MMADHC: variants seen among roughly 807,000 people sequenced by gnomAD.
MMADHC encodes cobalamin trafficking protein CblD.
In MMADHC, 23 loss-of-function variants were observed where a neutral mutation model predicts 36.3. That is an observed-to-expected ratio of 0.63 (90% confidence interval 0.46 to 0.90). The LOEUF is 0.90. Ranked by LOEUF, MMADHC falls within the 40% of genes least tolerant of loss-of-function variation. MMADHC has a pLI of 0.00. For missense variants in MMADHC, 330 were observed against 348.0 expected (o/e 0.95, Z 0.41); for synonymous variants, 97 against 116.1 (o/e 0.84, Z 1.06).
Position 149,587,124 on chromosome 2 carries a change from A to T in MMADHC, c.-27T>A. ...TCCGCTGGAGAAGATAGTTCGCAAA[A>T]TAGCTTTCCTTTGGTAAAGTTATTT... On this transcript the variant is annotated 5_prime_UTR_variant, in exon 2 of 8. Transcript: ENST00000303319. The T allele has an allele frequency of 6.2e-7, 1 of 1,612,374 alleles. No individual in the cohort carries two copies. Among genetic ancestry groups the T allele is most frequent in the Non-Finnish European group, 8.5e-7 (1 of 1,178,356 alleles).
intron 6 of MMADHC, among the ~76,000 whole-genome samples, chr2:149,575,359 T>C (rs985777144): frequency 8.2e-5 from 12 of 146,554 alleles, no homozygotes; most frequent in African/African-American, 3.1e-4. Context: ...AGAAAGGGGA[T>C]AGATTTGGAG....
chr2:149,586,610 T>TA (rs149678498), intron 2 of MMADHC, among the ~76,000 whole-genome samples: 30 of 152,332 alleles, frequency 2.0e-4, no homozygotes, highest in African/African-American at 7.0e-4. Context: ...ATGAATTCTA[T>TA]AGATAGGATG....
Position 149,569,855 on chromosome 2 carries a change from A to G in MMADHC, c.*119T>C. ...AATCACTTGCCAATGTTGTAAATTC[A>G]TAAATGCTGAAATAAATACTTAGAA... On this transcript the variant is annotated 3_prime_UTR_variant, in exon 8 of 8. Transcript: ENST00000303319. 1 of 948,002 alleles carries G rather than the reference A, an allele frequency of 1.1e-6. No individual in the cohort carries two copies. The allele number at this position is 948,002 out of a possible 1,614,324, so 58.7% of individuals were successfully genotyped here.
intron 7 of MMADHC, among the ~76,000 whole-genome samples, chr2:149,570,659 C>T (rs577495593): frequency 6.6e-6 from 1 of 152,220 alleles, no homozygotes; most frequent in South Asian, 2.1e-4. Context: ...CAAAGTATAA[C>T]CTTATAAATG....
chr2:149,587,225 T>A lies in MMADHC; in HGVS notation c.-52-76A>T, dbSNP rs1682885777. On this transcript the variant is annotated intron_variant, in intron 1 of 7. Coordinates refer to ENST00000303319, the MANE Select transcript of MMADHC (RefSeq NM_015702.3). ...CAGACAACTGAGGTAACGTCCACTC[T>A]TCGAAGGTGTGTCGTCCACCACGTC... 2.0e-5 allele frequency: 18 copies of A among 904,514 alleles called. No homozygotes were observed. In the South Asian group the frequency reaches 2.5e-4, roughly 12 times the overall value. The allele number at this position is 904,514 out of a possible 1,614,324, so 56.0% of individuals were successfully genotyped here.
At chr2:149,571,615 C>T (rs1007550143) in intron 6 of MMADHC, among the ~76,000 whole-genome samples, 4 of 151,918 alleles carry the variant, frequency 2.6e-5, no homozygotes, top group African/African-American at 9.7e-5. Flanking sequence ...TCCGTCTCTA[C>T]TAAAAATACA....
chr2:149,569,921 G>C lies in MMADHC; in HGVS notation c.*53C>G. The C allele has an allele frequency of 1.3e-6, 2 of 1,530,140 alleles. No individual in the cohort carries two copies. Among genetic ancestry groups the C allele is most frequent in the South Asian group, 1.1e-5 (1 of 88,330 alleles). The allele number at this position is 1,530,140 out of a possible 1,614,324, so 94.8% of individuals were successfully genotyped here. On this transcript the variant is annotated 3_prime_UTR_variant, in exon 8 of 8. Coordinates refer to ENST00000303319, the MANE Select transcript of MMADHC (RefSeq NM_015702.3). Reference sequence around the variant, plus strand: ...AAACTTTAGTCTGACAGTGTTTATAGATCAACCCAAATATTACATACAAAT... The same window carrying C: ...AAACTTTAGTCTGACAGTGTTTATACATCAACCCAAATATTACATACAAAT...
intron 1 of MMADHC, 191 bp from the exon 2 acceptor site, chr2:149,587,340 T>G (rs892295167): frequency 1.7e-6 from 1 of 594,320 alleles, no homozygotes; most frequent in Non-Finnish European, 3.0e-6. Flanking sequence ...GAGCCGGCAG[T>G]GCAGCTCAGA....
chr2:149,585,170 AAT>A (rs1467870205), intron 2 of MMADHC, among the ~76,000 whole-genome samples: 4 of 152,238 alleles, frequency 2.6e-5, no homozygotes, highest in Non-Finnish European at 5.9e-5. Context: ...CATAATTAAA[AAT>A]AATAGCCAAA....
At chr2:149,573,098 T>C (rs954847107) in intron 6 of MMADHC, among the ~76,000 whole-genome samples, 1 of 152,112 alleles carries the variant, frequency 6.6e-6, no homozygotes, top group African/African-American at 2.4e-5. Flanking sequence ...TATTTACTAT[T>C]TGGCCCTTGT....
At chr2:149,578,638 T>C (rs1013461570) in intron 4 of MMADHC, among the ~76,000 whole-genome samples, 27 of 152,214 alleles carry the variant, frequency 1.8e-4, no homozygotes, top group East Asian at 1.5e-3. Flanking sequence ...ATTTAGTTGG[T>C]AGACAGGAAG....
intron 2 of MMADHC, among the ~76,000 whole-genome samples, chr2:149,584,701 G>A (rs4299305): frequency 0.66 from 100,571 of 151,930 alleles, 36,907 homozygotes; most frequent in East Asian, 0.86. Flanking sequence ...CACTGAAAGC[G>A]ACAGTTGATG....
At position 149,582,398 on chromosome 2, in the gene MMADHC, AC is replaced by A. The variant is rs1573880233; in HGVS notation, c.10-128del. ...CCAACATTTATTCTACTTTTACTGA[AC>A]ACCTACTATATGAAAGCATTATATA... On this transcript the variant is annotated intron_variant, in intron 2 of 7. Coordinates refer to ENST00000303319, the MANE Select transcript of MMADHC (RefSeq NM_015702.3). 2.5e-5 allele frequency: 20 copies of A among 811,892 alleles called. No individual in the cohort carries two copies. The East Asian group carries it at 5.4e-4, about 22-fold the overall frequency. The allele number at this position is 811,892 out of a possible 1,614,324, so 50.3% of individuals were successfully genotyped here.
intron 5 of MMADHC, 121 bp from the exon 6 acceptor site, chr2:149,575,962 T>TA (rs1246021362): frequency 4.1e-6 from 3 of 733,954 alleles, no homozygotes; most frequent in Non-Finnish European, 4.4e-6. Flanking sequence ...ACTGTGGTAT[T>TA]AGTTAATTTT....
intron 6 of MMADHC, among the ~76,000 whole-genome samples, chr2:149,573,457 GT>G (rs1682672315): frequency 6.6e-6 from 1 of 152,132 alleles, no homozygotes; most frequent in African/African-American, 2.4e-5. Context: ...CTGCTTAGCT[GT>G]TTGTAACACT....
chr2:149,584,437 C>T lies in MMADHC; in HGVS notation c.10-2166G>A, dbSNP rs187503733. On this transcript the variant is annotated intron_variant, in intron 2 of 7. Coordinates refer to ENST00000303319, the MANE Select transcript of MMADHC (RefSeq NM_015702.3). ...TTCAGCATGGTTAAACTACAATCTG[C>T]GATCATTCACATCGTTTCACAAGCA... 1.8e-3 allele frequency among the ~76,000 whole-genome samples: 272 copies of T among 152,228 alleles called. 3 individuals are homozygous for T. Among genetic ancestry groups the T allele is most frequent in the African/African-American group, 6.3e-3 (261 of 41,538 alleles).
intron 4 of MMADHC, among the ~76,000 whole-genome samples, chr2:149,576,915 AATG>A (rs1682726783): frequency 6.6e-6 from 1 of 152,222 alleles, no homozygotes; most frequent in Non-Finnish European, 1.5e-5. Context: ...AAAGGGGGAT[AATG>A]ATACTAACTT....
Position 149,579,516 on chromosome 2 carries a change from T to C in MMADHC, c.287A>G (p.His96Arg). Residue 96 changes from histidine to arginine, a missense_variant, in exon 4 of 8, where the codon CAT becomes CGT. By Grantham distance (29) the His-to-Arg change is conservative. Transcript: ENST00000303319. ...TGCTAGAACATCAGGCAAAGTTTTA[T>C]GAACCAGGCTTTTCTTCTGTGAAGC... ...GTASQKKSLVHKTLPDVLAEP... is the reference protein window; with the variant it reads ...GTASQKKSLVRKTLPDVLAEP... 1 of 1,613,482 alleles carries C rather than the reference T, an allele frequency of 6.2e-7. No homozygotes were observed. Among genetic ancestry groups the C allele is most frequent in the Non-Finnish European group, 8.5e-7 (1 of 1,179,980 alleles).
intron 2 of MMADHC, among the ~76,000 whole-genome samples, chr2:149,583,541 C>T (rs1558849300): frequency 1.3e-5 from 2 of 152,048 alleles, no homozygotes; most frequent in African/African-American, 4.8e-5. Context: ...TCAGAGCAAA[C>T]TGACAAAAAC....
Sources: allele counts gnomAD v4.1 joint callset (sites outside exome capture counted in the v4.1 genomes callset), GRCh38; gene constraint gnomAD v4.1.1; transcripts MANE v1.5; gene names NCBI Gene and HGNC (gene_info 2026-07-23, HGNC 2026-07-21).